OPCML: variants seen among roughly 807,000 people sequenced by gnomAD.
OPCML encodes opioid binding protein/cell adhesion molecule like.
A neutral mutation model predicts 37.8 loss-of-function variants in OPCML; 13 were observed. The observed-to-expected ratio is 0.34, with a 90% CI of 0.22 to 0.55. The LOEUF (loss-of-function observed/expected upper bound fraction) is 0.55, where lower values mean the gene tolerates loss of function less well. OPCML is among the 20% of genes least tolerant of loss of function. The probability of loss-of-function intolerance (pLI) is 0.91; values close to 1 mark genes in which losing one functional copy is unlikely to be tolerated. For synonymous variants in OPCML, 176 were observed against 168.8 expected (o/e 1.04, Z -0.33); for missense variants, 341 against 435.6 (o/e 0.78, Z 1.93).
chr11:133,349,595 A>C (rs1464075950), intron 1 of OPCML, among the ~76,000 whole-genome samples: 1 of 152,160 alleles, frequency 6.6e-6, no homozygotes, highest in African/African-American at 2.4e-5. Flanking sequence ...ATATTGACCC[A>C]TATCTCCATA....
chr11:132,587,395 G>C (rs1039609312), intron 3 of OPCML, among the ~76,000 whole-genome samples: 7 of 152,152 alleles, frequency 4.6e-5, no homozygotes, highest in Non-Finnish European at 8.8e-5. Context: ...TCATAAGATT[G>C]GGCAGCCCAA....
intron 2 of OPCML, among the ~76,000 whole-genome samples, chr11:132,903,971 T>C (rs1433524968): frequency 6.6e-6 from 1 of 152,242 alleles, no homozygotes; most frequent in African/African-American, 2.4e-5. Context: ...ATCAGCTATA[T>C]GGCTTCAAGG....
At chr11:133,254,091 T>C (rs1303025884) in intron 1 of OPCML, among the ~76,000 whole-genome samples, 1 of 152,168 alleles carries the variant, frequency 6.6e-6, no homozygotes, top group Non-Finnish European at 1.5e-5. Context: ...AATGCAAATG[T>C]TAGAATCAGG....
chr11:133,252,413 GTTTTA>G (rs546354162), intron 1 of OPCML, among the ~76,000 whole-genome samples: 139 of 152,206 alleles, frequency 9.1e-4, no homozygotes, highest in Non-Finnish European at 1.7e-3. Context: ...GTGTATATTT[GTTTTA>G]TTTTCAAATT....
chr11:133,072,876 G>C (rs533369136), intron 1 of OPCML, among the ~76,000 whole-genome samples: 1 of 152,356 alleles, frequency 6.6e-6, no homozygotes, highest in East Asian at 1.9e-4. Context: ...GTTTTACTGG[G>C]ACAGCACATC....
intron 1 of OPCML, among the ~76,000 whole-genome samples, chr11:133,103,331 T>C (rs1267031030): frequency 6.6e-6 from 1 of 152,206 alleles, no homozygotes; most frequent in African/African-American, 2.4e-5. Context: ...AAAATCCATG[T>C]TGTATTTTGA....
At chr11:133,167,625 C>T (rs1204306040) in intron 1 of OPCML, among the ~76,000 whole-genome samples, 1 of 151,894 alleles carries the variant, frequency 6.6e-6, no homozygotes, top group African/African-American at 2.4e-5. Context: ...ACCTTGAGTG[C>T]CCTGGCTACC....
At chr11:132,804,617 C>A (rs1938887947) in intron 2 of OPCML, among the ~76,000 whole-genome samples, 1 of 152,142 alleles carries the variant, frequency 6.6e-6, no homozygotes, top group Non-Finnish European at 1.5e-5. Flanking sequence ...AGTTGAGAGA[C>A]CAAAATGGTG....
chr11:133,092,328 T>C (rs927379235), intron 1 of OPCML, among the ~76,000 whole-genome samples: 1 of 152,158 alleles, frequency 6.6e-6, no homozygotes, highest in Admixed American at 6.5e-5. Context: ...AGGCAACTGA[T>C]GAAAAGAGCT....
At chr11:132,874,845 G>A (rs780593803) in intron 2 of OPCML, among the ~76,000 whole-genome samples, 9 of 152,224 alleles carry the variant, frequency 5.9e-5, no homozygotes, top group South Asian at 2.1e-4. Context: ...GTGAGTCAAC[G>A]TGTAAACAAA....
intron 2 of OPCML, among the ~76,000 whole-genome samples, chr11:132,792,448 A>G (rs1937978247): frequency 6.6e-6 from 1 of 152,232 alleles, no homozygotes; most frequent in South Asian, 2.1e-4. Context: ...TAAAGACTAA[A>G]GTAATTAAGG....
intron 1 of OPCML, chr11:133,004,703 C>T (rs1381856254): frequency 2.0e-6 from 2 of 985,316 alleles, no homozygotes; most frequent in African/African-American, 3.5e-5. Flanking sequence ...TGCCTTGGTG[C>T]TAGCTGACTT....
At chr11:133,149,466 A>G (rs996479449) in intron 1 of OPCML, among the ~76,000 whole-genome samples, 2 of 152,312 alleles carry the variant, frequency 1.3e-5, no homozygotes, top group Admixed American at 6.5e-5. Flanking sequence ...AGTAAAACGA[A>G]GTTAATTTAC....
intron 4 of OPCML, among the ~76,000 whole-genome samples, chr11:132,481,104 T>C (rs1020604254): frequency 3.3e-5 from 5 of 152,062 alleles, no homozygotes; most frequent in Admixed American, 6.6e-5. Flanking sequence ...GACTAAATGC[T>C]CCAATTAAAA....
chr11:132,456,073 A>T (rs974527783), intron 4 of OPCML, among the ~76,000 whole-genome samples: 18 of 152,262 alleles, frequency 1.2e-4, no homozygotes, highest in Admixed American at 9.2e-4. Flanking sequence ...TCACTATCTC[A>T]TTCTCACAGC....
intron 1 of OPCML, among the ~76,000 whole-genome samples, chr11:133,450,396 A>AT (rs561429698): frequency 2.2e-4 from 33 of 146,722 alleles, no homozygotes; most frequent in Admixed American, 8.8e-4. Flanking sequence ...GTACAAATCC[A>AT]TTTTTTTTTT....
At chr11:133,138,125 T>C (rs761555861) in intron 1 of OPCML, among the ~76,000 whole-genome samples, 4 of 152,204 alleles carry the variant, frequency 2.6e-5, no homozygotes, top group Admixed American at 6.5e-5. Flanking sequence ...GTTCTCACTC[T>C]CATGGGACTG....
intron 1 of OPCML, among the ~76,000 whole-genome samples, chr11:133,350,555 A>G (rs1477873360): frequency 6.6e-6 from 1 of 152,118 alleles, no homozygotes; most frequent in Non-Finnish European, 1.5e-5. Context: ...CCACCAAAAT[A>G]TGAGCTGAGT....
chr11:132,630,031 G>C (rs1939997674), intron 3 of OPCML, among the ~76,000 whole-genome samples: 1 of 152,148 alleles, frequency 6.6e-6, no homozygotes. Flanking sequence ...TAAAACAATA[G>C]TGAGAAAGTT....
Sources: gnomAD v4.1 joint callset for allele counts (sites outside exome capture counted in the v4.1 genomes callset) on GRCh38, gnomAD v4.1.1 for gene constraint, MANE v1.5 for transcripts, NCBI Gene and HGNC (gene_info 2026-07-23, HGNC 2026-07-21) for gene names.